GCSH: variants seen among roughly 807,000 people sequenced by gnomAD.
GCSH encodes the protein glycine cleavage system protein H, also known as glycine cleavage system H protein, mitochondrial.
In GCSH, 15 loss-of-function variants were observed where a neutral mutation model predicts 21.3. That is an observed-to-expected ratio of 0.70 (90% CI 0.47 to 1.08). The LOEUF is 1.08. GCSH is among the 50% of genes least tolerant of loss of function. GCSH has a pLI of 0.00. For synonymous variants in GCSH, 59 were observed against 84.5 expected (o/e 0.70, Z 1.66); for missense variants, 179 against 217.5 (o/e 0.82, Z 1.11).
In GCSH at chr16:81,082,309, T is replaced by C; in HGVS notation, c.*557A>G. ...AGAGTTACTAAATGAAATATTAACA[T>C]CAAAACAAACATGATTAACGAAGAA... On this transcript the variant is annotated 3_prime_UTR_variant, in exon 5 of 5. Coordinates refer to ENST00000315467, the MANE Select transcript of GCSH (RefSeq NM_004483.5). 1 of 444,424 alleles carries C rather than the reference T, an allele frequency of 2.3e-6. No homozygotes were observed. The highest frequency in any genetic ancestry group is 4.5e-6 in the Non-Finnish European group (1 of 221,576). 27.5% of individuals were successfully genotyped at this position (444,424 alleles called of 1,614,324 possible).
intron 4 of GCSH, 114 bp from the exon 5 acceptor site, chr16:81,083,077 T>C (rs1359585202): frequency 3.9e-6 from 3 of 769,496 alleles, no homozygotes; most frequent in Non-Finnish European, 7.2e-6. Context: ...ACAAAAACCA[T>C]ACATTATTTG....
chr16:81,083,229 C>A, intron 4 of GCSH: 3 of 442,802 alleles, frequency 6.8e-6, no homozygotes. Flanking sequence ...ACATTTAAAT[C>A]TTTAAGGGCC....
At chr16:81,090,713 G>A in intron 1 of GCSH, 33 bp from the exon 2 acceptor site, 1 of 1,431,112 alleles carries the variant, frequency 7.0e-7, no homozygotes, top group Non-Finnish European at 9.9e-7. Context: ...CAGAAAAGCA[G>A]TAGCATTACT....
intron 1 of GCSH, among the ~76,000 whole-genome samples, chr16:81,091,873 C>T (rs1045625647): frequency 3.9e-5 from 6 of 152,098 alleles, no homozygotes; most frequent in Non-Finnish European, 8.8e-5. Context: ...CCCACCTCAA[C>T]CTCTCACAGT....
rs770835365 is a variant in GCSH at position 81,082,876 on chromosome 16, A to G, written c.512T>C (p.Ile171Thr). 51 of 1,282,688 alleles carry G rather than the reference A, an allele frequency of 4.0e-5. No homozygotes were observed. The highest frequency in any genetic ancestry group is 5.5e-5 in the Non-Finnish European group (48 of 878,432). The allele number at this position is 1,282,688 out of a possible 1,614,324, so 79.5% of individuals were successfully genotyped here. A position where few individuals can be genotyped will look rare whatever the true frequency, so the allele number is the denominator to read the frequency against. ...EEAYEKYIKS[I>T]EE ...TTAGGAGTTCCATTTTCACTCCTCAATAGATTTTATGTATTTCTCATATGC... is the reference window on the plus strand; with the variant it reads ...TTAGGAGTTCCATTTTCACTCCTCAGTAGATTTTATGTATTTCTCATATGC... Residue 171 changes from isoleucine to threonine, a missense_variant, in exon 5 of 5, where the codon ATT becomes ACT. By Grantham distance (89) the Ile-to-Thr change is moderately conservative. Transcript: ENST00000315467.
chr16:81,095,976 G>A (rs1041301666), intron 1 of GCSH, among the ~76,000 whole-genome samples, 155 bp downstream of exon 1: 3 of 151,358 alleles, frequency 2.0e-5, no homozygotes, highest in South Asian at 4.1e-4. Context: ...CGCAGAGCCA[G>A]GGATCCCAAC....
chr16:81,085,161 C>CGCA (rs1245745978), intron 3 of GCSH, among the ~76,000 whole-genome samples: 4 of 151,642 alleles, frequency 2.6e-5, no homozygotes, highest in African/African-American at 9.7e-5. Flanking sequence ...ATTACAGGCG[C>CGCA]GCACCACCAC....
chr16:81,083,560 C>T, intron 4 of GCSH: 1 of 157,074 alleles, frequency 6.4e-6, no homozygotes, highest in Non-Finnish European at 1.4e-5. Context: ...GATCCAAATA[C>T]ACAAGACCAG....
intron 1 of GCSH, 183 bp from the exon 2 acceptor site, chr16:81,090,863 C>T (rs776027358): frequency 1.1e-5 from 7 of 659,776 alleles, no homozygotes; most frequent in Non-Finnish European, 1.9e-5. Flanking sequence ...ATTTAAACAG[C>T]AGTACCATTT....
At chr16:81,093,655 A>T (rs1427034122) in intron 1 of GCSH, among the ~76,000 whole-genome samples, 2 of 152,080 alleles carry the variant, frequency 1.3e-5, no homozygotes, top group Non-Finnish European at 2.9e-5. Flanking sequence ...ACCCTGGCCA[A>T]CATGGTGAAA....
chr16:81,094,921 T>C (rs1012573675), intron 1 of GCSH, among the ~76,000 whole-genome samples: 2 of 151,954 alleles, frequency 1.3e-5, no homozygotes, highest in Admixed American at 6.6e-5. Context: ...GGCGAAACCC[T>C]GTCTCTACTA....
intron 1 of GCSH, among the ~76,000 whole-genome samples, chr16:81,095,103 A>T (rs150360068): frequency 3.0e-4 from 1 of 3,360 alleles, no homozygotes; most frequent in African/African-American, 3.8e-4. Context: ...AATAAAAAGA[A>T]AAAAAAAAAA....
At chr16:81,096,060 T>G in intron 1 of GCSH, 71 bp downstream of exon 1, 1 of 1,188,338 alleles carries the variant, frequency 8.4e-7, no homozygotes, top group Non-Finnish European at 1.1e-6. Context: ...GCGTCCTCCG[T>G]GTCCCGCTGG....
intron 3 of GCSH, among the ~76,000 whole-genome samples, chr16:81,086,473 C>G (rs1972282679): frequency 6.6e-6 from 1 of 152,042 alleles, no homozygotes; most frequent in South Asian, 2.1e-4. Context: ...AGGAGAATTG[C>G]TTGAACCTAG....
At chr16:81,084,770 C>A (rs148311409) in intron 3 of GCSH, among the ~76,000 whole-genome samples, 176 bp from the exon 4 acceptor site, 1 of 143,444 alleles carries the variant, frequency 7.0e-6, no homozygotes, top group Non-Finnish European at 1.5e-5. Context: ...AGTGCAGTGG[C>A]GCAATCTCAC....
chr16:81,091,491 G>C (rs1416405350), intron 1 of GCSH, among the ~76,000 whole-genome samples: 1 of 152,156 alleles, frequency 6.6e-6, no homozygotes, highest in Non-Finnish European at 1.5e-5. Flanking sequence ...CAATGTTCAA[G>C]AGTAAAAAGA....
chr16:81,090,961 G>C, intron 1 of GCSH: 1 of 510,324 alleles, frequency 2.0e-6, no homozygotes, highest in Admixed American at 3.1e-5. Flanking sequence ...AATCACAAAA[G>C]AAAATTTTGG....
At chr16:81,094,186 C>T (rs868745315) in intron 1 of GCSH, among the ~76,000 whole-genome samples, 69 of 152,180 alleles carry the variant, frequency 4.5e-4, no homozygotes, top group African/African-American at 1.6e-3. Flanking sequence ...AGGCATGAGC[C>T]ACCGTGCCTG....
intron 1 of GCSH, among the ~76,000 whole-genome samples, chr16:81,091,792 T>G (rs1340174089): frequency 6.6e-6 from 1 of 152,094 alleles, no homozygotes; most frequent in Non-Finnish European, 1.5e-5. Flanking sequence ...TTATTTTTAT[T>G]TTTTATTTTT....
Sources: gnomAD v4.1 joint callset for allele counts (sites outside exome capture counted in the v4.1 genomes callset) on GRCh38, gnomAD v4.1.1 for gene constraint, MANE v1.5 for transcripts, NCBI Gene and HGNC (gene_info 2026-07-23, HGNC 2026-07-21) for gene names.